The following PPP1R12A variants were observed in gnomAD, a reference collection of about 807,000 sequenced individuals.
PPP1R12A encodes protein phosphatase 1 regulatory subunit 12A, also known as myosin binding subunit.
PPP1R12A carries 19 observed loss-of-function variants against 139.6 expected under a neutral mutation model. That is an observed-to-expected ratio of 0.14 (90% CI 0.09 to 0.20). PPP1R12A has a LOEUF of 0.20. Ranked by LOEUF, PPP1R12A falls within the 10% of genes least tolerant of loss-of-function variation. PPP1R12A has a pLI of 1.00. For missense variants in PPP1R12A, 925 were observed against 1,211.5 expected, an observed-to-expected ratio of 0.76 and a Z score of 3.51; for synonymous variants, 427 against 420.6, an observed-to-expected ratio of 1.02 and a Z score of -0.19.
chr12:79,907,912 T>C lies in PPP1R12A; in HGVS notation c.237+26783A>G, dbSNP rs540737187. 2.6e-5 allele frequency among the ~76,000 whole-genome samples: 4 copies of C among 152,324 alleles called. No homozygotes were observed. In the South Asian group the frequency reaches 6.2e-4, roughly 24 times the overall value. On this transcript the variant is annotated intron_variant, in intron 1 of 24. Transcript: ENST00000450142. ...GACCTAGCCTCTATATATTAATCTA[T>C]GTATCTATGTTTCTTTAAAAATTGG...
chr12:79,874,056 A>G (rs920410537), intron 1 of PPP1R12A, among the ~76,000 whole-genome samples: 3 of 152,150 alleles, frequency 2.0e-5, no homozygotes, highest in Non-Finnish European at 4.4e-5. Context: ...CGGGCAGATC[A>G]CCTGAGGTCA....
intron 19 of PPP1R12A, among the ~76,000 whole-genome samples, chr12:79,793,115 A>G (rs149608060): frequency 6.6e-6 from 1 of 152,312 alleles, no homozygotes; most frequent in East Asian, 1.9e-4. Flanking sequence ...CCAGAATGCT[A>G]TTTCATGCTA....
chr12:79,894,380 G>A (rs937446395), intron 1 of PPP1R12A, among the ~76,000 whole-genome samples: 3 of 152,016 alleles, frequency 2.0e-5, no homozygotes, highest in Non-Finnish European at 4.4e-5. Context: ...TTCTTTTTTG[G>A]AGTGGTGCCT....
intron 22 of PPP1R12A, among the ~76,000 whole-genome samples, chr12:79,784,177 G>T (rs1278062523): frequency 1.3e-5 from 2 of 152,002 alleles, no homozygotes; most frequent in Non-Finnish European, 2.9e-5. Context: ...AAAAAAGGTG[G>T]AAAAGTTCAC....
At chr12:79,916,608 C>T (rs1175427365) in intron 1 of PPP1R12A, among the ~76,000 whole-genome samples, 1 of 151,980 alleles carries the variant, frequency 6.6e-6, no homozygotes, top group Non-Finnish European at 1.5e-5. Flanking sequence ...TTCTGTAGTC[C>T]ACTTGCAAAA....
intron 15 of PPP1R12A, among the ~76,000 whole-genome samples, chr12:79,797,696 T>C (rs1872644601): frequency 1.3e-5 from 2 of 152,000 alleles, no homozygotes; most frequent in African/African-American, 4.8e-5. Flanking sequence ...TATATATGTC[T>C]GTGTGTGTGT....
chr12:79,843,709 ATT>A (rs573245386), intron 3 of PPP1R12A, among the ~76,000 whole-genome samples: 9 of 142,776 alleles, frequency 6.3e-5, no homozygotes, highest in Admixed American at 2.1e-4. Context: ...TTGCTGGATC[ATT>A]TTTTTTTTTT....
intron 22 of PPP1R12A, among the ~76,000 whole-genome samples, chr12:79,782,975 C>T (rs187914380): frequency 2.0e-5 from 3 of 152,122 alleles, no homozygotes; most frequent in Admixed American, 2.0e-4. Context: ...GACTTATAAC[C>T]AAGTCACTTT....
At chr12:79,845,998 C>G (rs903308179) in intron 2 of PPP1R12A, among the ~76,000 whole-genome samples, 2 of 51,584 alleles carry the variant, frequency 3.9e-5, no homozygotes, top group Non-Finnish European at 1.2e-4. Flanking sequence ...TCTCTGCGCT[C>G]CCAATCTCAT....
At chr12:79,814,272 T>G (rs1368336782) in intron 9 of PPP1R12A, among the ~76,000 whole-genome samples, 1 of 149,344 alleles carries the variant, frequency 6.7e-6, no homozygotes, top group African/African-American at 2.5e-5. Flanking sequence ...GGTCAGGAGA[T>G]CGAGACCATC....
intron 1 of PPP1R12A, among the ~76,000 whole-genome samples, chr12:79,918,869 A>C (rs1163847963): frequency 6.6e-6 from 1 of 152,158 alleles, no homozygotes; most frequent in Non-Finnish European, 1.5e-5. Flanking sequence ...TAATCCCAGC[A>C]CTTTGGGAGG....
At chr12:79,877,289 C>G (rs7139449) in intron 1 of PPP1R12A, among the ~76,000 whole-genome samples, 139,250 of 152,202 alleles carry the variant, frequency 0.91, 63,999 homozygotes, top group Middle Eastern at 0.95. Flanking sequence ...TTACATATAA[C>G]AGATGATAAA....
At chr12:79,812,347 C>T (rs911216540) in intron 9 of PPP1R12A, among the ~76,000 whole-genome samples, 4 of 148,474 alleles carry the variant, frequency 2.7e-5, no homozygotes, top group African/African-American at 1.0e-4. Flanking sequence ...CCTTCTTTTT[C>T]TTTTTACTCT....
chr12:79,812,569 C>T (rs1874739212), intron 9 of PPP1R12A, among the ~76,000 whole-genome samples: 1 of 151,814 alleles, frequency 6.6e-6, no homozygotes, highest in Admixed American at 6.6e-5. Context: ...TCTTTACTTC[C>T]TCAGGCTAAA....
chr12:79,814,842 T>A lies in PPP1R12A; in HGVS notation c.1239+2552A>T, dbSNP rs867041145. On this transcript the variant is annotated intron_variant, in intron 9 of 24. Transcript: ENST00000450142. Reference sequence around the variant, plus strand: ...AAAAAAAAAAAAAAAAAAAAAAAAATTCAAAATTTTTACACATGATCGTTT... The same window carrying A: ...AAAAAAAAAAAAAAAAAAAAAAAAAATCAAAATTTTTACACATGATCGTTT... Among the ~76,000 whole-genome samples, 572 of 100,292 alleles carry A rather than the reference T, an allele frequency of 5.7e-3. 5 individuals are homozygous for A. The highest frequency in any genetic ancestry group is 0.017 in the African/African-American group (467 of 27,148). The allele number at this position is 100,292 out of a possible 152,430, so 65.8% of individuals were successfully genotyped here. A position where few individuals can be genotyped will look rare whatever the true frequency, so the allele number is the denominator to read the frequency against.
chr12:79,816,888 G>C (rs1274973030), intron 9 of PPP1R12A, among the ~76,000 whole-genome samples: 1 of 152,104 alleles, frequency 6.6e-6, no homozygotes, highest in Non-Finnish European at 1.5e-5. Flanking sequence ...TGCTCCTACT[G>C]ACATACCAAA....
chr12:79,788,886 T>C, intron 20 of PPP1R12A, 103 bp from the exon 21 acceptor site: 1 of 975,536 alleles, frequency 1.0e-6, no homozygotes, highest in South Asian at 2.2e-5. Flanking sequence ...AAAGAGTAGG[T>C]CACAGTCTCC....
intron 2 of PPP1R12A, among the ~76,000 whole-genome samples, chr12:79,859,230 G>A (rs1881026730): frequency 6.6e-6 from 1 of 151,742 alleles, no homozygotes; most frequent in Non-Finnish European, 1.5e-5. Flanking sequence ...CCAGCTACTC[G>A]GGAGGCAGAA....
intron 1 of PPP1R12A, among the ~76,000 whole-genome samples, chr12:79,929,373 G>C (rs1378394429): frequency 6.6e-6 from 1 of 152,114 alleles, no homozygotes; most frequent in Non-Finnish European, 1.5e-5. Context: ...CTCTTACAAA[G>C]TGAGTAATTA....
Sources: allele counts gnomAD v4.1 joint callset (sites outside exome capture counted in the v4.1 genomes callset), GRCh38; gene constraint gnomAD v4.1.1; transcripts MANE v1.5; gene names NCBI Gene and HGNC (gene_info 2026-07-23, HGNC 2026-07-21).